MRAP2: variants seen among roughly 807,000 people sequenced by gnomAD.
MRAP2 encodes the protein melanocortin-2 receptor accessory protein 2.
A neutral mutation model predicts 17.4 loss-of-function variants in MRAP2; 20 were observed. The ratio of observed to expected loss-of-function variants is 1.15; its 90% CI spans 0.81 to 1.67. The LOEUF is 1.67. MRAP2 is among the 40% of genes most tolerant of loss of function. The probability of loss-of-function intolerance (pLI) is 0.00; values close to 1 mark genes in which losing one functional copy is unlikely to be tolerated. For synonymous variants in MRAP2, 96 were observed against 88.4 expected (o/e 1.09, Z -0.48); for missense variants, 238 against 240.0 (o/e 0.99, Z 0.05).
intron 2 of MRAP2, among the ~76,000 whole-genome samples, chr6:84,055,741 C>T (rs2099491556): frequency 6.6e-6 from 1 of 152,182 alleles, no homozygotes; most frequent in African/African-American, 2.4e-5. Context: ...TTTTTAGCTC[C>T]TCCAAACTGT....
In MRAP2 at chr6:84,070,703, C is replaced by G. The variant is rs112910371; in HGVS notation, c.227+7711C>G. Among the ~76,000 whole-genome samples the G allele has an allele frequency of 9.7e-3, 1,476 of 152,070 alleles. 33 individuals carry two copies. Among genetic ancestry groups the G allele is most frequent in the African/African-American group, 0.033 (1,366 of 41,548 alleles). ...GCTCTCCCTGGAGGATTGAAGTCCCCCACTTAGTTCTATAAGTAATTGTTT... is the reference window on the plus strand; with the variant it reads ...GCTCTCCCTGGAGGATTGAAGTCCCGCACTTAGTTCTATAAGTAATTGTTT... On this transcript the variant is annotated intron_variant, in intron 3 of 3. Coordinates refer to ENST00000257776, the MANE Select transcript of MRAP2 (RefSeq NM_138409.4).
At chr6:84,083,221 A>C (rs1358917794) in intron 3 of MRAP2, among the ~76,000 whole-genome samples, 1 of 152,194 alleles carries the variant, frequency 6.6e-6, no homozygotes, top group African/African-American at 2.4e-5. Flanking sequence ...TTGAGTGTTC[A>C]ATCTCCTTAG....
intron 1 of MRAP2, among the ~76,000 whole-genome samples, chr6:84,043,082 G>T (rs1212887340): frequency 6.6e-6 from 1 of 152,192 alleles, no homozygotes; most frequent in African/African-American, 2.4e-5. Flanking sequence ...AGTGATTTAA[G>T]ACACGGCCAG....
the MRAP2 span, among the ~76,000 whole-genome samples, chr6:84,145,902 T>C: frequency 1.3e-5 from 2 of 152,130 alleles, no homozygotes; most frequent in African/African-American, 4.8e-5. Context: ...TACAGACTAC[T>C]CCTACCATTA....
intron 3 of MRAP2, among the ~76,000 whole-genome samples, chr6:84,076,485 A>G (rs999159428): frequency 4.6e-5 from 7 of 151,744 alleles, no homozygotes; most frequent in African/African-American, 1.5e-4. Flanking sequence ...CTGCCTCCCA[A>G]AGTGCTGGGA....
At chr6:84,057,850 T>C (rs898051614) in intron 2 of MRAP2, among the ~76,000 whole-genome samples, 1 of 152,130 alleles carries the variant, frequency 6.6e-6, no homozygotes, top group Admixed American at 6.5e-5. Context: ...CAGTATAGAA[T>C]TGCCATCGAA....
At chr6:84,116,570 T>C in the MRAP2 span, among the ~76,000 whole-genome samples, 8 of 152,192 alleles carry the variant, frequency 5.3e-5, no homozygotes, top group African/African-American at 1.9e-4. Context: ...CTTATGCCGA[T>C]TTTCAAGGGG....
At chr6:84,098,073 C>T in the MRAP2 span, among the ~76,000 whole-genome samples, 912 of 152,242 alleles carry the variant, frequency 6.0e-3, 4 homozygotes, top group African/African-American at 0.021. Flanking sequence ...TAAACATGTC[C>T]ATCATCCATA....
the MRAP2 span, among the ~76,000 whole-genome samples, chr6:84,097,448 A>G: frequency 6.6e-6 from 1 of 152,180 alleles, no homozygotes; most frequent in Non-Finnish European, 1.5e-5. Context: ...CAACATTACT[A>G]AAAGTTTTAT....
intron 2 of MRAP2, among the ~76,000 whole-genome samples, chr6:84,059,266 G>T (rs1006539945): frequency 1.3e-5 from 2 of 152,200 alleles, no homozygotes; most frequent in Non-Finnish European, 2.9e-5. Context: ...GGATGGGTCA[G>T]CAAGAAGCCA....
the MRAP2 span, among the ~76,000 whole-genome samples, chr6:84,098,530 TTTA>T: frequency 3.3e-5 from 5 of 152,178 alleles, no homozygotes; most frequent in Non-Finnish European, 2.9e-5. Flanking sequence ...CATTTGTCTT[TTTA>T]AGAAACTGCT....
the MRAP2 span, among the ~76,000 whole-genome samples, chr6:84,126,801 A>ATTAAG: frequency 1.3e-5 from 2 of 152,130 alleles, no homozygotes; most frequent in Non-Finnish European, 2.9e-5. Flanking sequence ...TCTTTAATGC[A>ATTAAG]TTAAGTTTCA....
chr6:84,055,282 T>A, intron 1 of MRAP2, 30 bp from the exon 2 acceptor site: 1 of 1,595,596 alleles, frequency 6.3e-7, no homozygotes, highest in Non-Finnish European at 8.5e-7. Flanking sequence ...AATTAACAGG[T>A]TCTGCGCTTG....
intron 1 of MRAP2, among the ~76,000 whole-genome samples, chr6:84,045,557 G>GT (rs1684314746): frequency 1.3e-5 from 2 of 152,146 alleles, no homozygotes; most frequent in Non-Finnish European, 2.9e-5. Flanking sequence ...GAGGCCAGGA[G>GT]TTTGAGACCA....
intron 2 of MRAP2, among the ~76,000 whole-genome samples, chr6:84,058,790 A>G (rs1000352803): frequency 3.3e-5 from 5 of 152,226 alleles, no homozygotes; most frequent in African/African-American, 9.6e-5. Context: ...GCCAACTGAA[A>G]AAAGGGTTGC....
chr6:84,090,245 G>C lies in MRAP2; in HGVS notation c.*764G>C, dbSNP rs1002203890. ...CTCTTGTAGGCTCTCTCAAATCTCT[G>C]TACCTTCCACTTAACCCTAATTGAG... On this transcript the variant is annotated 3_prime_UTR_variant, in exon 4 of 4. Transcript: ENST00000257776. The C allele has an allele frequency of 3.3e-5, 5 of 152,116 alleles. No individual in the cohort carries two copies. The highest frequency in any genetic ancestry group is 2.0e-4 in the Admixed American group (3 of 15,278). The allele number at this position is 152,116 out of a possible 1,614,324, so 9.4% of individuals were successfully genotyped here.
the MRAP2 span, among the ~76,000 whole-genome samples, chr6:84,105,495 A>G: frequency 3.9e-5 from 6 of 152,240 alleles, no homozygotes; most frequent in Non-Finnish European, 8.8e-5. Context: ...TGAGAACAGC[A>G]TGGGAAAGAC....
At chr6:84,073,545 C>T (rs1028549037) in intron 3 of MRAP2, among the ~76,000 whole-genome samples, 9 of 152,172 alleles carry the variant, frequency 5.9e-5, no homozygotes, top group African/African-American at 2.2e-4. Context: ...TCAGTGTGAG[C>T]CTCTGCACAC....
chr6:84,066,365 G>C (rs1481458257), intron 3 of MRAP2, among the ~76,000 whole-genome samples: 1 of 152,176 alleles, frequency 6.6e-6, no homozygotes, highest in East Asian at 1.9e-4. Flanking sequence ...TTTGGTTGCA[G>C]TATATCATAA....
Sources: allele counts gnomAD v4.1 joint callset (sites outside exome capture counted in the v4.1 genomes callset), GRCh38; gene constraint gnomAD v4.1.1; transcripts MANE v1.5; gene names NCBI Gene and HGNC (gene_info 2026-07-23, HGNC 2026-07-21).